Variants in BABAM2 observed in about 807,000 individuals in gnomAD.
BABAM2 encodes BRISC and BRCA1-A complex member 2.
Under a neutral mutation model 54.7 loss-of-function variants are expected in BABAM2, and 31 were observed. That is an observed-to-expected ratio of 0.57 (90% CI 0.43 to 0.77). BABAM2 has a LOEUF of 0.77. Ranked by LOEUF, BABAM2 falls within the 30% of genes least tolerant of loss-of-function variation. The pLI, the probability that BABAM2 is intolerant of heterozygous loss-of-function variation, is 0.00. For missense variants in BABAM2, 364 were observed against 455.8 expected (o/e 0.80, Z 1.83); for synonymous variants, 167 against 162.9 (o/e 1.03, Z -0.19).
intron 6 of BABAM2, among the ~76,000 whole-genome samples, chr2:28,124,482 G>T (rs1669333481): frequency 6.6e-6 from 1 of 152,208 alleles, no homozygotes; most frequent in Admixed American, 6.5e-5. Flanking sequence ...AAAGTCACTA[G>T]TTCTGGAGGA....
chr2:27,958,095 A>G (rs1670218863), intron 3 of BABAM2, among the ~76,000 whole-genome samples: 1 of 152,186 alleles, frequency 6.6e-6, no homozygotes, highest in Non-Finnish European at 1.5e-5. Context: ...CCATTGAGTG[A>G]TCTCAGTCAA....
At chr2:28,180,420 G>T (rs959886827) in intron 7 of BABAM2, among the ~76,000 whole-genome samples, 1 of 151,686 alleles carries the variant, frequency 6.6e-6, no homozygotes, top group African/African-American at 2.4e-5. Context: ...CATATGCCAC[G>T]GAACGAAACT....
chr2:28,175,422 C>G (rs13407525), intron 7 of BABAM2, among the ~76,000 whole-genome samples: 1,778 of 152,294 alleles, frequency 0.012, 41 homozygotes, highest in African/African-American at 0.04. Context: ...ACTGCTACCC[C>G]CTCCCAGTAC....
At chr2:28,227,332 C>T (rs1304217565) in intron 7 of BABAM2, among the ~76,000 whole-genome samples, 3 of 152,110 alleles carry the variant, frequency 2.0e-5, no homozygotes, top group Non-Finnish European at 4.4e-5. Context: ...ATGAAATATG[C>T]CTTTCTCAAT....
intron 6 of BABAM2, among the ~76,000 whole-genome samples, chr2:28,059,161 T>C (rs1395963645): frequency 6.6e-6 from 1 of 152,336 alleles, no homozygotes; most frequent in East Asian, 1.9e-4. Context: ...CTTGACTTGA[T>C]TGACATTTAA....
chr2:28,316,823 T>C lies in BABAM2; in HGVS notation c.1088+18332T>C, dbSNP rs545140700. Among the ~76,000 whole-genome samples the C allele has an allele frequency of 2.6e-5, 4 of 152,258 alleles. No homozygotes were observed. The South Asian group carries it at 8.3e-4, about 32-fold the overall frequency. ...CTGTGCCCTGGCAATCCAAGGATCA[T>C]GGATATCGAAGCCAGAAAGATAATC... On this transcript the variant is annotated intron_variant, in intron 11 of 11. Transcript: ENST00000379624.
chr2:28,203,402 A>G (rs1223854793), intron 7 of BABAM2, among the ~76,000 whole-genome samples: 1 of 152,100 alleles, frequency 6.6e-6, no homozygotes, highest in East Asian at 1.9e-4. Context: ...ATTCCTGCAA[A>G]TGGTTTTCTA....
At chr2:28,306,677 G>A (rs1245416180) in intron 11 of BABAM2, among the ~76,000 whole-genome samples, 4 of 151,738 alleles carry the variant, frequency 2.6e-5, no homozygotes, top group East Asian at 1.9e-4. Flanking sequence ...TTTAATTGGA[G>A]TATTTCTTTT....
intron 6 of BABAM2, among the ~76,000 whole-genome samples, chr2:28,117,643 G>A (rs1668721209): frequency 6.6e-6 from 1 of 152,182 alleles, no homozygotes; most frequent in African/African-American, 2.4e-5. Flanking sequence ...AAATATGGCA[G>A]CTCACCATTT....
intron 6 of BABAM2, among the ~76,000 whole-genome samples, chr2:28,052,261 T>A (rs1033698870): frequency 5.3e-5 from 8 of 150,140 alleles, no homozygotes; most frequent in Non-Finnish European, 1.0e-4. Context: ...CTAGCCAAAA[T>A]AATCATAGAG....
chr2:28,332,736 C>A lies in BABAM2; in HGVS notation c.1089-5714C>A, dbSNP rs149860557. On this transcript the variant is annotated intron_variant, in intron 11 of 11. Transcript: ENST00000379624. Reference sequence around the variant, plus strand: ...CCTGACCAAAACTGCACACCACACACAAGGAGTACACCTGGTAGGTTTGGG... The same window carrying A: ...CCTGACCAAAACTGCACACCACACAAAAGGAGTACACCTGGTAGGTTTGGG... Among the ~76,000 whole-genome samples the A allele has an allele frequency of 2.8e-3, 423 of 152,342 alleles. 4 individuals carry two copies. The highest frequency in any genetic ancestry group is 0.01 in the Middle Eastern group (3 of 294).
intron 11 of BABAM2, among the ~76,000 whole-genome samples, chr2:28,313,141 A>T (rs1327451097): frequency 6.6e-6 from 1 of 152,258 alleles, no homozygotes; most frequent in Non-Finnish European, 1.5e-5. Context: ...AGGAGGCTGA[A>T]GGCCTCTGTG....
chr2:28,183,727 T>A (rs1675895233), intron 7 of BABAM2, among the ~76,000 whole-genome samples: 1 of 105,738 alleles, frequency 9.5e-6, no homozygotes, highest in Non-Finnish European at 2.0e-5. Flanking sequence ...TTATGTTACT[T>A]TTGGATGAAG....
At chr2:27,903,215 G>C (rs866152769) in intron 2 of BABAM2, among the ~76,000 whole-genome samples, 1 of 151,950 alleles carries the variant, frequency 6.6e-6, no homozygotes, top group African/African-American at 2.4e-5. Context: ...GTTTTGGTCA[G>C]TCAGCCTCAC....
intron 11 of BABAM2, among the ~76,000 whole-genome samples, chr2:28,336,941 C>G (rs992218198): frequency 6.6e-5 from 10 of 152,234 alleles, no homozygotes; most frequent in African/African-American, 1.7e-4. Context: ...CTCCTCCACT[C>G]CAGATTTGCT....
At chr2:28,085,594 C>T (rs912487474) in intron 6 of BABAM2, among the ~76,000 whole-genome samples, 2 of 152,094 alleles carry the variant, frequency 1.3e-5, no homozygotes, top group African/African-American at 4.8e-5. Flanking sequence ...GAATATTTAA[C>T]ATATTACTTG....
At chr2:27,895,540 T>C (rs546047862) in intron 2 of BABAM2, among the ~76,000 whole-genome samples, 1 of 152,358 alleles carries the variant, frequency 6.6e-6, no homozygotes. Flanking sequence ...ATATATGATA[T>C]CCATATGCCT....
intron 2 of BABAM2, among the ~76,000 whole-genome samples, chr2:27,902,333 G>A (rs113412459): frequency 5.9e-5 from 9 of 152,168 alleles, no homozygotes; most frequent in East Asian, 1.9e-4. Flanking sequence ...TTTTCATTTC[G>A]GTTAAATAAG....
chr2:28,199,112 C>A (rs1268979233), intron 7 of BABAM2, among the ~76,000 whole-genome samples: 1 of 152,188 alleles, frequency 6.6e-6, no homozygotes, highest in Non-Finnish European at 1.5e-5. Context: ...TCTTGGATTC[C>A]TTTTTATAAT....
Sources: allele counts gnomAD v4.1 joint callset (sites outside exome capture counted in the v4.1 genomes callset), GRCh38; gene constraint gnomAD v4.1.1; transcripts MANE v1.5; gene names NCBI Gene and HGNC (gene_info 2026-07-23, HGNC 2026-07-21).